Variants in LAMA1 observed in about 807,000 individuals in gnomAD.
The protein encoded by LAMA1 is laminin subunit alpha 1.
A neutral mutation model predicts 348.7 loss-of-function variants in LAMA1; 219 were observed. The ratio of observed to expected loss-of-function variants is 0.63; its 90% CI spans 0.56 to 0.70. The LOEUF (loss-of-function observed/expected upper bound fraction) is 0.70, where lower values mean the gene tolerates loss of function less well. Among genes scored for constraint, LAMA1 ranks in the 30% least tolerant of loss-of-function variants. The pLI, the probability that LAMA1 is intolerant of heterozygous loss-of-function variation, is 0.00. For missense variants in LAMA1, 3,744 were observed against 3,888.0 expected, an observed-to-expected ratio of 0.96 and a Z score of 0.99; for synonymous variants, 1,487 against 1,491.0, an observed-to-expected ratio of 1.00 and a Z score of 0.06.
intron 16 of LAMA1, among the ~76,000 whole-genome samples, chr18:7,029,311 C>T (rs16951046): frequency 0.05 from 7,565 of 152,126 alleles, 619 homozygotes; most frequent in African/African-American, 0.17. Context: ...ACCCTTTTTT[C>T]CTTCCCATCC....
intron 29 of LAMA1, among the ~76,000 whole-genome samples, chr18:7,006,578 T>C (rs1024998872): frequency 8.5e-5 from 13 of 152,160 alleles, no homozygotes; most frequent in African/African-American, 2.7e-4. Flanking sequence ...ATGGGGATAC[T>C]GCCTGAGAAA....
intron 23 of LAMA1, among the ~76,000 whole-genome samples, chr18:7,012,543 T>C (rs2057866222): frequency 6.7e-6 from 1 of 149,848 alleles, no homozygotes; most frequent in African/African-American, 2.4e-5. Flanking sequence ...TCTCGCTCTG[T>C]CACCCAGGCT....
At chr18:6,960,624 T>C (rs1480758049) in intron 53 of LAMA1, 2 of 150,492 alleles carry the variant, frequency 1.3e-5, no homozygotes, top group Non-Finnish European at 2.9e-5. Flanking sequence ...CGCTGCTGAA[T>C]TGTTCACTAT....
chr18:6,969,570 G>C (rs774835520), intron 48 of LAMA1, among the ~76,000 whole-genome samples: 1 of 152,110 alleles, frequency 6.6e-6, no homozygotes, highest in Non-Finnish European at 1.5e-5. Context: ...TTACAAACAC[G>C]TATTTTTGGA....
intron 55 of LAMA1, 136 bp downstream of exon 55, chr18:6,958,341 C>T (rs1426457752): frequency 8.3e-6 from 7 of 842,130 alleles, no homozygotes; most frequent in Non-Finnish European, 1.4e-5. Flanking sequence ...CATGATAGAA[C>T]AATGGGGTTC....
At chr18:7,020,782 T>C (rs1009832649) in intron 19 of LAMA1, among the ~76,000 whole-genome samples, 1 of 152,182 alleles carries the variant, frequency 6.6e-6, no homozygotes, top group Non-Finnish European at 1.5e-5. Flanking sequence ...TCATCAATGC[T>C]TACCAGAAAG....
At position 7,080,344 on chromosome 18, in the gene LAMA1, G is replaced by C; in HGVS notation, c.175C>G (p.Arg59Gly). The C allele has an allele frequency of 6.2e-7, 1 of 1,614,224 alleles. No individual in the cohort carries two copies. The highest frequency in any genetic ancestry group is 8.5e-7 in the Non-Finnish European group (1 of 1,180,048). Residue 59 changes from arginine to glycine, a missense_variant, in exon 2 of 63, where the codon CGG becomes GGG. Transcript: ENST00000389658. ...FCKLVEHVPGRPVRNPQCRIC... is the reference protein window; with the variant it reads ...FCKLVEHVPGGPVRNPQCRIC... ...CGGCACTGTGGGTTTCGGACGGGCCGACCTGGCACATGCTCCACAAGTTTG... is the reference window on the plus strand; with the variant it reads ...CGGCACTGTGGGTTTCGGACGGGCCCACCTGGCACATGCTCCACAAGTTTG...
At position 6,973,127 on chromosome 18, in the gene LAMA1, C is replaced by G. The variant is rs1228965245; in HGVS notation, c.6704G>C (p.Gly2235Ala). 4 of 1,613,878 alleles carry G rather than the reference C, an allele frequency of 2.5e-6. No homozygotes were observed. The African/African-American group carries it at 5.3e-5, about 22-fold the overall frequency. ...KSPTKTSKSP[G>A]TANVLDVNNS... Reference sequence around the variant, plus strand: ...GTTTACATCCAGAACATTAGCTGTCCCAGGGGATTTACTTGTTTTTGTTGG... The same window carrying G: ...GTTTACATCCAGAACATTAGCTGTCGCAGGGGATTTACTTGTTTTTGTTGG... The change falls in exon 47 of 63, where the codon GGG becomes GCG. Residue 2235 changes from glycine to alanine, a missense_variant. This residue lies in a region of LAMA1 where 1,983 missense variants were observed against 1,934.3 expected (regional missense o/e 1.03). Transcript: ENST00000389658.
At chr18:7,053,131 G>A (rs538731969) in intron 3 of LAMA1, among the ~76,000 whole-genome samples, 29 of 152,296 alleles carry the variant, frequency 1.9e-4, no homozygotes, top group African/African-American at 6.7e-4. Flanking sequence ...TGTGTCAAAG[G>A]CAAAACTATG....
At chr18:6,968,419 G>A (rs1426728553) in intron 48 of LAMA1, among the ~76,000 whole-genome samples, 4 of 152,146 alleles carry the variant, frequency 2.6e-5, no homozygotes, top group African/African-American at 9.7e-5. Flanking sequence ...CTGGCCCCTT[G>A]CCACAGCCCA....
intron 3 of LAMA1, among the ~76,000 whole-genome samples, chr18:7,061,772 G>A (rs563224913): frequency 3.3e-5 from 5 of 152,278 alleles, no homozygotes; most frequent in African/African-American, 7.2e-5. Context: ...AGATGGGCGC[G>A]GTGGAGGCCT....
At chr18:7,056,024 G>A (rs1399404547) in intron 3 of LAMA1, among the ~76,000 whole-genome samples, 1 of 151,808 alleles carries the variant, frequency 6.6e-6, no homozygotes, top group Non-Finnish European at 1.5e-5. Flanking sequence ...AGCTTGCAGT[G>A]AGTGGAGCTT....
chr18:7,021,808 T>TTATA (rs1165114841), intron 19 of LAMA1, among the ~76,000 whole-genome samples: 58 of 110,866 alleles, frequency 5.2e-4, no homozygotes, highest in African/African-American at 3.1e-3. Context: ...ATATATTATA[T>TTATA]TATATAATAT....
At position 7,072,348 on chromosome 18, in the gene LAMA1, C is replaced by T. The variant is rs185906375; in HGVS notation, c.345+7627G>A. ...AAATGTGAGGAGTTTGTTAGGTACT[C>T]TACATCCTTCAAGCTATCACATTTC... On this transcript the variant is annotated intron_variant, in intron 3 of 62. Transcript: ENST00000389658. Among the ~76,000 whole-genome samples, 330 of 152,290 alleles carry T rather than the reference C, an allele frequency of 2.2e-3. 2 individuals are homozygous for T. Among genetic ancestry groups the T allele is most frequent in the African/African-American group, 7.5e-3 (312 of 41,552 alleles).
Position 6,964,820 on chromosome 18 carries a change from G to C in LAMA1, c.7196-17C>G. On this transcript the variant is annotated splice_polypyrimidine_tract_variant and intron_variant, in intron 50 of 62. Transcript: ENST00000389658. Reference sequence around the variant, plus strand: ...CTAGCACTCCTAAAAGGAGAGCACAGGCAAGAGATAAGAAAAGGAAAATCC... The same window carrying C: ...CTAGCACTCCTAAAAGGAGAGCACACGCAAGAGATAAGAAAAGGAAAATCC... 6.2e-7 allele frequency: 1 copy of C among 1,613,876 alleles called. No homozygotes were observed. Among genetic ancestry groups the C allele is most frequent in the Non-Finnish European group, 8.5e-7 (1 of 1,179,948 alleles).
rs145146950 is a variant in LAMA1 at position 6,993,690 on chromosome 18, C to T, written c.4959G>A (p.Glu1653=). The change falls in exon 35 of 63, where the codon GAG becomes GAA. Residue 1653 remains glutamate (E), a synonymous_variant. Coordinates refer to ENST00000389658, the MANE Select transcript of LAMA1 (RefSeq NM_005559.4). ...CAATGGCTATGGCCAGGTCTTGACT[C>T]TCCTTGAAGATTCTCTCAGTTGCCC... ...VNRATERIFK[E]SQDLAIAIER... The T allele has an allele frequency of 3.1e-6, 5 of 1,613,988 alleles. No individual in the cohort carries two copies. In the South Asian group the frequency reaches 3.3e-5, roughly 11 times the overall value.
Position 6,958,415 on chromosome 18 carries a change from T to C in LAMA1, c.7964+62A>G, listed in dbSNP as rs1470869144. On this transcript the variant is annotated intron_variant, in intron 55 of 62. Transcript: ENST00000389658. ...ACAGTACAATGAGATTTCAGATTAGTGTTAGCACTCACCATGAAAGGTCAG... is the reference window on the plus strand; with the variant it reads ...ACAGTACAATGAGATTTCAGATTAGCGTTAGCACTCACCATGAAAGGTCAG... The C allele has an allele frequency of 3.3e-6, 5 of 1,535,908 alleles. No homozygotes were observed. The East Asian group carries it at 9.0e-5, about 28-fold the overall frequency.
Position 7,015,572 on chromosome 18 carries a change from GC to G in LAMA1, c.3126+149del, listed in dbSNP as rs1160429046. On this transcript the variant is annotated intron_variant, in intron 22 of 62. Coordinates refer to ENST00000389658, the MANE Select transcript of LAMA1 (RefSeq NM_005559.4). ...AGTGATTACAGGTGTGAGCCACTGT[GC>G]CTGGCCCACATTGAGTTTTTTTTTT... 33 of 956,730 alleles carry G rather than the reference GC, an allele frequency of 3.4e-5. No individual in the cohort carries two copies. In the Admixed American group the frequency reaches 5.4e-4, roughly 16 times the overall value. 59.3% of individuals were successfully genotyped at this position (956,730 alleles called of 1,614,324 possible).
intron 13 of LAMA1, among the ~76,000 whole-genome samples, chr18:7,034,966 T>G (rs982072494): frequency 6.6e-6 from 1 of 152,218 alleles, no homozygotes; most frequent in Non-Finnish European, 1.5e-5. Context: ...CCCACAGCTT[T>G]TATCAAAGCA....
Sources: allele counts gnomAD v4.1 joint callset (sites outside exome capture counted in the v4.1 genomes callset), GRCh38; gene constraint gnomAD v4.1.1; regional missense constraint gnomAD v4.1.1; transcripts MANE v1.5; gene names NCBI Gene and HGNC (gene_info 2026-07-23, HGNC 2026-07-21).